Variants in RTN4RL1 observed in about 807,000 individuals in gnomAD.
RTN4RL1 encodes the protein reticulon-4 receptor-like 1.
RTN4RL1 carries 7 observed loss-of-function variants against 25.6 expected under a neutral mutation model. The observed-to-expected ratio is 0.27, with a 90% CI of 0.16 to 0.51. RTN4RL1 has a LOEUF of 0.51. Ranked by LOEUF, RTN4RL1 falls within the 20% of genes least tolerant of loss-of-function variation. The pLI is 0.97. For synonymous variants in RTN4RL1, 297 were observed against 288.2 expected (o/e 1.03, Z -0.31); for missense variants, 500 against 615.6 (o/e 0.81, Z 1.99).
rs899839158 is a variant in RTN4RL1 at position 1,998,092 on chromosome 17, C to A, written c.13+26761G>T. ...TCCCGGCCTCTCCCGGCCTCATTAC[C>A]GAGGGAGAGCTGCCGGGGCTGGCAG... is the stretch of plus-strand genomic sequence containing the variant. On this transcript the variant is annotated intron_variant, in intron 1 of 1. Transcript: ENST00000331238. The surrounding 1 kb of genome is among the most constrained non-coding windows in gnomAD (Gnocchi z 4.9). Among the ~76,000 whole-genome samples the A allele has an allele frequency of 1.3e-5, 2 of 151,948 alleles. No homozygotes were observed. The highest frequency in any genetic ancestry group is 6.5e-5 in the Admixed American group (1 of 15,270).
chr17:1,971,880 T>G (rs1352804031), intron 1 of RTN4RL1, among the ~76,000 whole-genome samples: 1 of 148,296 alleles, frequency 6.7e-6, no homozygotes, highest in Non-Finnish European at 1.5e-5. Context: ...GAGAATGGCA[T>G]GAACCTGGGA....
chr17:1,998,044 C>A lies in RTN4RL1; in HGVS notation c.13+26809G>T, dbSNP rs1043330860. 6.6e-6 allele frequency among the ~76,000 whole-genome samples: 1 copy of A among 152,134 alleles called. No individual in the cohort carries two copies. Among genetic ancestry groups the A allele is most frequent in the Admixed American group, 6.5e-5 (1 of 15,280 alleles). On this transcript the variant is annotated intron_variant, in intron 1 of 1. Coordinates refer to ENST00000331238, the MANE Select transcript of RTN4RL1 (RefSeq NM_178568.4). The surrounding 1 kb of genome is among the most constrained non-coding windows in gnomAD (Gnocchi z 4.9). ...GCCGGGCGCCCCACCCCCACCCCCG[C>A]CTCCGCCCCAGGCCGCGATCGATCC...
At chr17:2,004,602 C>A (rs1027424265) in intron 1 of RTN4RL1, among the ~76,000 whole-genome samples, 3 of 152,124 alleles carry the variant, frequency 2.0e-5, no homozygotes, top group Non-Finnish European at 4.4e-5. Flanking sequence ...CTTTTCCAAG[C>A]GAATGGAAAC....
intron 1 of RTN4RL1, among the ~76,000 whole-genome samples, chr17:1,989,367 C>A (rs1040868859): frequency 8.6e-5 from 13 of 150,732 alleles, no homozygotes; most frequent in Non-Finnish European, 1.6e-4. Context: ...GAAGGCACAT[C>A]AAACTTTCTG....
intron 1 of RTN4RL1, among the ~76,000 whole-genome samples, chr17:1,978,366 T>A (rs1194653548): frequency 6.6e-6 from 1 of 152,248 alleles, no homozygotes. Flanking sequence ...ACCTGGGCTC[T>A]GCTTTGGGCC....
chr17:2,002,686 C>A (rs1313315904), intron 1 of RTN4RL1, among the ~76,000 whole-genome samples: 1 of 152,232 alleles, frequency 6.6e-6, no homozygotes, highest in East Asian at 1.9e-4. Flanking sequence ...CCTCTCTCTT[C>A]CTCCCCACGC....
intron 1 of RTN4RL1, among the ~76,000 whole-genome samples, chr17:2,005,208 T>A (rs181111046): frequency 6.6e-6 from 1 of 152,172 alleles, no homozygotes; most frequent in East Asian, 1.9e-4. Context: ...GGTCTCACTA[T>A]GTTGTCCACG....
At chr17:2,024,616 G>A (rs1045258367) in intron 1 of RTN4RL1, among the ~76,000 whole-genome samples, 2 of 152,166 alleles carry the variant, frequency 1.3e-5, no homozygotes, top group African/African-American at 4.8e-5. Context: ...TGACCCCTCC[G>A]GGCCGGATCT....
chr17:2,015,200 G>A (rs888850148), intron 1 of RTN4RL1, among the ~76,000 whole-genome samples: 2 of 152,174 alleles, frequency 1.3e-5, no homozygotes, highest in African/African-American at 2.4e-5. Context: ...CGCGAGGCAC[G>A]GAGGGTGTGG....
chr17:1,949,251 G>A (rs991254285), intron 1 of RTN4RL1, among the ~76,000 whole-genome samples: 3 of 148,552 alleles, frequency 2.0e-5, no homozygotes, highest in Non-Finnish European at 4.5e-5. Flanking sequence ...GTGAGCCACC[G>A]TGCCTGGCCT....
intron 1 of RTN4RL1, among the ~76,000 whole-genome samples, chr17:1,957,359 C>T (rs1355139563): frequency 6.6e-6 from 1 of 152,108 alleles, no homozygotes; most frequent in Non-Finnish European, 1.5e-5. Flanking sequence ...CAGACCAGGC[C>T]CGTGAGCCTC....
intron 1 of RTN4RL1, among the ~76,000 whole-genome samples, chr17:1,984,795 C>T (rs1031819193): frequency 3.9e-5 from 6 of 152,162 alleles, no homozygotes; most frequent in Admixed American, 2.6e-4. Flanking sequence ...GGTGAAACCC[C>T]GTCTCTACTA....
chr17:2,012,554 CTG>C (rs1284241992), intron 1 of RTN4RL1, among the ~76,000 whole-genome samples: 1 of 152,076 alleles, frequency 6.6e-6, no homozygotes. Context: ...GTTCCTGGTA[CTG>C]TTTCTATTTT....
At chr17:1,975,627 G>A (rs2066839686) in intron 1 of RTN4RL1, among the ~76,000 whole-genome samples, 2 of 152,068 alleles carry the variant, frequency 1.3e-5, no homozygotes, top group African/African-American at 4.8e-5. Context: ...CTCCAGCCTG[G>A]GCAACAGAGT....
intron 1 of RTN4RL1, among the ~76,000 whole-genome samples, chr17:1,943,845 G>A (rs546642019): frequency 6.6e-6 from 1 of 152,302 alleles, no homozygotes; most frequent in Non-Finnish European, 1.5e-5. Context: ...CGTGGGGTGT[G>A]CAGGATGGGC....
intron 1 of RTN4RL1, among the ~76,000 whole-genome samples, chr17:1,947,218 G>A (rs569545929): frequency 4.0e-4 from 61 of 152,326 alleles, no homozygotes; most frequent in African/African-American, 6.3e-4. Context: ...GTCTGCGCAC[G>A]CACGCTTGTG....
chr17:2,002,362 G>A lies in RTN4RL1; in HGVS notation c.13+22491C>T, dbSNP rs567663353. On this transcript the variant is annotated intron_variant, in intron 1 of 1. Coordinates refer to ENST00000331238, the MANE Select transcript of RTN4RL1 (RefSeq NM_178568.4). ...GGCTGGAGTGCAGTGGCGCGATCTC[G>A]GCTCACTGCAAGCTCCGCCTCCCGG... 1.0e-4 allele frequency among the ~76,000 whole-genome samples: 15 copies of A among 149,370 alleles called. No homozygotes were observed. In the South Asian group the frequency reaches 2.1e-3, roughly 21 times the overall value.
chr17:2,009,561 C>T (rs1375623468), intron 1 of RTN4RL1, among the ~76,000 whole-genome samples: 2 of 116,662 alleles, frequency 1.7e-5, no homozygotes, highest in African/African-American at 6.8e-5. Context: ...CACTGCACTC[C>T]AGCCTGGGCG....
At chr17:1,945,330 C>T (rs1915514472) in intron 1 of RTN4RL1, among the ~76,000 whole-genome samples, 1 of 152,206 alleles carries the variant, frequency 6.6e-6, no homozygotes, top group South Asian at 2.1e-4. Context: ...TCAAGCGATT[C>T]TCTCGCCTCA....
Sources: allele counts gnomAD v4.1 joint callset (sites outside exome capture counted in the v4.1 genomes callset), GRCh38; gene constraint gnomAD v4.1.1; non-coding constraint Gnocchi (gnomAD v3.1); transcripts MANE v1.5; gene names NCBI Gene and HGNC (gene_info 2026-07-23, HGNC 2026-07-21).